Variants in LPIN1 observed in about 807,000 individuals in gnomAD.
LPIN1 encodes phosphatidate phosphatase LPIN1.
LPIN1 carries 71 observed loss-of-function variants against 107.5 expected under a neutral mutation model. That is an observed-to-expected ratio of 0.66 (90% confidence interval 0.55 to 0.80). LPIN1 has a LOEUF of 0.80. Among genes scored for constraint, LPIN1 ranks in the 30% least tolerant of loss-of-function variants. The pLI is 0.00. For synonymous variants in LPIN1, 445 were observed against 452.6 expected, an observed-to-expected ratio of 0.98 and a Z score of 0.21; for missense variants, 1,043 against 1,160.6, an observed-to-expected ratio of 0.90 and a Z score of 1.47.
chr2:11,798,972 C>T (rs1229463640), intron 14 of LPIN1, among the ~76,000 whole-genome samples: 1 of 152,184 alleles, frequency 6.6e-6, no homozygotes, highest in East Asian at 1.9e-4. Context: ...TTTCAAATGA[C>T]ATGAGCCCTT....
chr2:11,810,588 A>T (rs115074054), intron 17 of LPIN1, among the ~76,000 whole-genome samples: 2,961 of 152,232 alleles, frequency 0.019, 49 homozygotes, highest in Non-Finnish European at 0.03. Flanking sequence ...TCCCCTTAGG[A>T]TGGCAGATGG....
intron 13 of LPIN1, among the ~76,000 whole-genome samples, chr2:11,794,818 C>T (rs191222873): frequency 1.4e-4 from 21 of 152,250 alleles, no homozygotes; most frequent in South Asian, 4.1e-4. Context: ...GAATTTCACC[C>T]GTTTCACAGA....
At chr2:11,700,699 C>G (rs1027171073) in intron 1 of LPIN1, among the ~76,000 whole-genome samples, 2 of 152,176 alleles carry the variant, frequency 1.3e-5, no homozygotes, top group African/African-American at 4.8e-5. Context: ...CCGCTCTGAG[C>G]CTCAGCATCT....
chr2:11,767,500 C>T (rs1476642595), intron 2 of LPIN1: 3 of 471,458 alleles, frequency 6.4e-6, no homozygotes, highest in Non-Finnish European at 1.2e-5. Context: ...TAATAATGGC[C>T]AAAACTGCAG....
chr2:11,806,991 C>G (rs1182310699), intron 17 of LPIN1, among the ~76,000 whole-genome samples: 1 of 152,200 alleles, frequency 6.6e-6, no homozygotes, highest in Non-Finnish European at 1.5e-5. Context: ...ATACACCATA[C>G]TTTCTTTAAC....
chr2:11,746,717 C>T (rs1666990562), intron 1 of LPIN1, 46 bp downstream of exon 1: 31 of 943,042 alleles, frequency 3.3e-5, no homozygotes, highest in Non-Finnish European at 3.9e-5. Context: ...GCAGGGGCCG[C>T]AGCCTCGGGT....
Position 11,782,391 on chromosome 2 carries a change from ACC to A in LPIN1, c.1149_1150del (p.Leu384GlyfsTer39). On this transcript the variant is annotated frameshift_variant, in exon 8 of 21. Coordinates refer to ENST00000674199, the MANE Select transcript of LPIN1 (RefSeq NM_001349206.2). LOFTEE classifies it high-confidence loss of function. Reference sequence around the variant, plus strand: ...GAAATGCAGTTTGTGAATGAAGAAGACCTGGAGACCTTAGGAGCAGCAGCGCC... The same window carrying A: ...GAAATGCAGTTTGTGAATGAAGAAGATGGAGACCTTAGGAGCAGCAGCGCC... 1 of 1,614,200 alleles carries A rather than the reference ACC, an allele frequency of 6.2e-7. No homozygotes were observed. Among genetic ancestry groups the A allele is most frequent in the African/African-American group, 1.3e-5 (1 of 75,030 alleles).
intron 1 of LPIN1, among the ~76,000 whole-genome samples, chr2:11,758,858 T>A (rs2148597499): frequency 6.6e-6 from 1 of 152,356 alleles, no homozygotes; most frequent in South Asian, 2.1e-4. Context: ...AGTCACTTCC[T>A]GTTTCTGGGC....
intron 1 of LPIN1, among the ~76,000 whole-genome samples, chr2:11,749,102 C>T (rs1174911008): frequency 1.3e-5 from 2 of 152,082 alleles, no homozygotes; most frequent in Non-Finnish European, 2.9e-5. Flanking sequence ...TATAATAAGC[C>T]CACTCATTTA....
chr2:11,804,706 C>G, intron 16 of LPIN1, 135 bp downstream of exon 16: 1 of 906,976 alleles, frequency 1.1e-6, no homozygotes, highest in Non-Finnish European at 1.8e-6. Context: ...GAGCTCCTTA[C>G]GTAGTTTCAG....
At chr2:11,801,256 A>G (rs148077589) in intron 14 of LPIN1, among the ~76,000 whole-genome samples, 1,843 of 152,344 alleles carry the variant, frequency 0.012, 43 homozygotes, top group African/African-American at 0.041. Context: ...ACTACTGCTT[A>G]TTTATCCAAA....
chr2:11,819,615 G>T lies in LPIN1; in HGVS notation c.2517+17G>T. The T allele has an allele frequency of 6.4e-7, 1 of 1,564,718 alleles. No individual in the cohort carries two copies. The highest frequency in any genetic ancestry group is 1.1e-5 in the South Asian group (1 of 90,084). ...CGACCAGCTGTAAGTAGTAGATTGG[G>T]TATAGAAGAACCCTTGAAATGACTG... On this transcript the variant is annotated intron_variant, in intron 19 of 20. Transcript: ENST00000674199.
chr2:11,804,782 G>A lies in LPIN1; in HGVS notation c.2162+211G>A, dbSNP rs138075283. On this transcript the variant is annotated intron_variant, in intron 16 of 20. Coordinates refer to ENST00000674199, the MANE Select transcript of LPIN1 (RefSeq NM_001349206.2). The stretch of plus-strand genomic sequence containing the variant: ...CCTTCTGGGGTATTATTATCTCTTC[G>A]ACTTGGTTGCTTCTGTGGGGGCTTC... Among the ~76,000 whole-genome samples the A allele has an allele frequency of 1.9e-4, 29 of 152,146 alleles. No individual in the cohort carries two copies. The South Asian group carries it at 5.8e-3, about 31-fold the overall frequency.
intron 1 of LPIN1, among the ~76,000 whole-genome samples, chr2:11,758,478 A>G (rs919664148): frequency 6.6e-6 from 1 of 151,906 alleles, no homozygotes; most frequent in Non-Finnish European, 1.5e-5. Context: ...AATAGATGTG[A>G]GGTGGTGGTA....
chr2:11,686,818 C>A (rs1002513265), intron 1 of LPIN1, among the ~76,000 whole-genome samples: 5 of 151,944 alleles, frequency 3.3e-5, no homozygotes, highest in Admixed American at 2.6e-4. Flanking sequence ...GATATGGGTC[C>A]TTTTGTGGGT....
At position 11,771,812 on chromosome 2, in the gene LPIN1, G is replaced by C. The variant is rs1340110497; in HGVS notation, c.596+133G>C. The C allele has an allele frequency of 1.1e-6, 1 of 942,862 alleles. No homozygotes were observed. Among genetic ancestry groups the C allele is most frequent in the Non-Finnish European group, 1.6e-6 (1 of 631,374 alleles). The allele number at this position is 942,862 out of a possible 1,614,324, so 58.4% of individuals were successfully genotyped here. ...TAGACCAGTGGTCCCCAACCTTTTT[G>C]GCACTAGGGACCAGTTTTGTGGAAG... On this transcript the variant is annotated intron_variant, in intron 4 of 20. Coordinates refer to ENST00000674199, the MANE Select transcript of LPIN1 (RefSeq NM_001349206.2). This position sits in a 1 kb window ranked among gnomAD's most constrained non-coding sequence, Gnocchi z 4.8.
rs755286469 is a variant in LPIN1, at chr2:11,819,559, C to A, written c.2478C>A (p.Asn826Lys). ...LTDIKNLFFPNTEPFYAAFGN... is the reference protein window; with the variant it reads ...LTDIKNLFFPKTEPFYAAFGN... ...ACATCAAAAACCTGTTTTTCCCCAA[C>A]ACAGAACCCTTTTATGCTGCTTTTG... is the stretch of plus-strand genomic sequence containing the variant. Residue 826 changes from asparagine to lysine, a missense_variant, in exon 19 of 21, where the codon AAC (asparagine) becomes AAA (lysine). By Grantham distance (94) the Asn-to-Lys change is moderately conservative (BLOSUM62 0). Transcript: ENST00000674199. 9.3e-6 allele frequency: 15 copies of A among 1,614,068 alleles called. No homozygotes were observed. Among genetic ancestry groups the A allele is most frequent in the Non-Finnish European group, 1.3e-5 (15 of 1,179,924 alleles).
intron 1 of LPIN1, among the ~76,000 whole-genome samples, chr2:11,725,284 C>CAA (rs369704064): frequency 6.7e-6 from 1 of 148,746 alleles, no homozygotes; most frequent in African/African-American, 2.6e-5. Flanking sequence ...AAAACAAAAA[C>CAA]AAACAAACAA....
chr2:11,779,524 C>T lies in LPIN1; in HGVS notation c.836C>T (p.Ser279Phe). ...CGCTTTGTGTTTTCCTTAAGTCCTT[C>T]CGGTTCCCGACCTTCAACACCTAAA... is the stretch of plus-strand genomic sequence containing the variant. ...SSLFHPSESP[S>F]GSRPSTPKSD... The change falls in exon 7 of 21, where the codon TCC (serine) becomes TTC (phenylalanine). Residue 279 changes from serine (S) to phenylalanine (F), a missense_variant. Ser to Phe is a radical substitution (Grantham distance 155). Transcript: ENST00000674199. 7.4e-6 allele frequency: 12 copies of T among 1,613,540 alleles called. No individual in the cohort carries two copies. Among genetic ancestry groups the T allele is most frequent in the Non-Finnish European group, 1.0e-5 (12 of 1,179,966 alleles).
Sources: allele counts gnomAD v4.1 joint callset (sites outside exome capture counted in the v4.1 genomes callset), GRCh38; gene constraint gnomAD v4.1.1; non-coding constraint Gnocchi (gnomAD v3.1); transcripts MANE v1.5; gene names NCBI Gene and HGNC (gene_info 2026-07-23, HGNC 2026-07-21).